The following FGF13 variants were observed in gnomAD, a reference collection of about 807,000 sequenced individuals.
The protein encoded by FGF13 is fibroblast growth factor 13, also known as fibroblast growth factor homologous factor 2.
Under a neutral mutation model 19.5 loss-of-function variants are expected in FGF13, and 2 were observed. The ratio of observed to expected loss-of-function variants is 0.10; its 90% confidence interval spans 0.04 to 0.32. The LOEUF (loss-of-function observed/expected upper bound fraction) is 0.32, where lower values mean the gene tolerates loss of function less well. FGF13 is among the 10% of genes least tolerant of loss of function. The pLI is 1.00. For missense variants in FGF13, 113 were observed against 192.7 expected, an observed-to-expected ratio of 0.59 and a Z score of 2.45; for synonymous variants, 72 against 76.9, an observed-to-expected ratio of 0.94 and a Z score of 0.33.
intron 1 of FGF13, among the ~76,000 whole-genome samples, chrX:139,177,625 A>G (rs779088348): frequency 9.1e-4 from 102 of 111,515 alleles, no homozygotes; most frequent in African/African-American, 3.2e-3. Flanking sequence ...TGGTGCTGGC[A>G]GCAAGAATTT....
upstream of FGF13, among the ~76,000 whole-genome samples, chrX:138,741,846 C>T (rs760727586): frequency 6.3e-5 from 7 of 111,803 alleles, no homozygotes; most frequent in East Asian, 5.6e-4. Flanking sequence ...ATTTCAATAA[C>T]GTCATCATTT....
intron 1 of FGF13, among the ~76,000 whole-genome samples, chrX:138,980,675 GTTT>G (rs59636336): frequency 4.7e-5 from 4 of 84,959 alleles, no homozygotes; most frequent in Non-Finnish European, 6.8e-5. Context: ...CAGAAGTGTG[GTTT>G]TTTTTTTTTT....
chrX:138,780,427 C>G (rs5976200), intron 3 of FGF13, among the ~76,000 whole-genome samples: 21,802 of 80,708 alleles, frequency 0.27, 3,395 homozygotes, highest in African/African-American at 0.5. Context: ...CCCATCTCAC[C>G]TGCAGAGACA....
rs1440562208 is a variant in FGF13 at position 138,632,731 on chromosome X, CTGTT to C, written c.*115_*118del. ...TGGCAGATAGAATAGTGAACTCTGC[CTGTT>C]TGTTTGGTAAATGTCACTGACAAAT... On this transcript the variant is annotated 3_prime_UTR_variant, in exon 5 of 5. Transcript: ENST00000315930. The C allele has an allele frequency of 1.3e-5, 10 of 796,396 alleles. No homozygotes were observed. Among genetic ancestry groups the C allele is most frequent in the African/African-American group, 1.2e-4 (6 of 48,464 alleles). The allele number at this position is 796,396 out of a possible 1,213,427, so 65.6% of individuals were successfully genotyped here.
intron 3 of FGF13, among the ~76,000 whole-genome samples, chrX:138,753,124 G>A (rs1321680500): frequency 8.9e-6 from 1 of 112,002 alleles, no homozygotes; most frequent in Admixed American, 9.5e-5. Context: ...AGAGCATGCT[G>A]ATTTCTGGCC....
chrX:138,763,020 G>A lies in FGF13; in HGVS notation c.218-54092C>T, dbSNP rs528898744. Reference sequence around the variant, plus strand: ...CTTGTACATAATTTCCAAAATGGCTGAGTTTTGTTTTTACCATACTTGACT... The same window carrying A: ...CTTGTACATAATTTCCAAAATGGCTAAGTTTTGTTTTTACCATACTTGACT... On this transcript the variant is annotated intron_variant, in intron 3 of 6. Coordinates refer to the FGF13 transcript ENST00000436198. Among the ~76,000 whole-genome samples the A allele has an allele frequency of 1.6e-4, 18 of 110,970 alleles. 1 individual carries two copies. In the South Asian group the frequency reaches 6.5e-3, roughly 40 times the overall value.
intron 1 of FGF13, among the ~76,000 whole-genome samples, chrX:138,729,467 T>G (rs1165706239): frequency 1.8e-5 from 2 of 110,027 alleles, no homozygotes; most frequent in Non-Finnish European, 3.8e-5. Flanking sequence ...AGTATCCAAA[T>G]GCAACAGAAA....
intron 1 of FGF13, among the ~76,000 whole-genome samples, chrX:139,081,645 G>A (rs758524832): frequency 4.5e-5 from 5 of 111,278 alleles, no homozygotes; most frequent in Middle Eastern, 9.2e-3. Flanking sequence ...AAACCCTCTC[G>A]CTTTGCAGTT....
intron 3 of FGF13, among the ~76,000 whole-genome samples, chrX:138,810,605 A>T (rs189188023): frequency 5.3e-5 from 6 of 112,173 alleles, no homozygotes; most frequent in African/African-American, 1.9e-4. Flanking sequence ...GGATCTAATG[A>T]AACTAAAGAA....
chrX:139,181,260 G>C (rs973412910), intron 1 of FGF13, among the ~76,000 whole-genome samples: 1 of 112,085 alleles, frequency 8.9e-6, no homozygotes, highest in Non-Finnish European at 1.9e-5. Flanking sequence ...TCACAAAAGG[G>C]GTAACACAGG....
Position 138,702,984 on chromosome X carries a change from C to T in FGF13, c.402G>A (p.Ser134=), listed in dbSNP as rs2089961827. ...AACATGCACACAGTCAAAAGCTTAC[C>T]GAGGTGTACAAGTATCCCTCACTGT... is the stretch of plus-strand genomic sequence containing the variant. The part of the protein sequence containing the change: ...AMNSEGYLYT[S]ELFTPECKFK... The change falls in exon 3 of 5, where the codon TCG becomes TCA. Residue 134 remains serine (S), a splice_region_variant and synonymous_variant. Coordinates refer to ENST00000315930, the MANE Select transcript of FGF13 (RefSeq NM_004114.5). The T allele has an allele frequency of 8.4e-7, 1 of 1,183,771 alleles. No homozygotes were observed. Among genetic ancestry groups the T allele is most frequent in the Non-Finnish European group, 1.1e-6 (1 of 870,233 alleles).
chrX:138,806,704 G>C (rs951983509), intron 3 of FGF13: 1 of 111,787 alleles, frequency 8.9e-6, no homozygotes, highest in Non-Finnish European at 1.9e-5. Flanking sequence ...CCCTGCAAAA[G>C]CTGGAAGATA....
intron 1 of FGF13, among the ~76,000 whole-genome samples, chrX:138,879,247 T>C (rs995390122): frequency 1.8e-5 from 2 of 112,128 alleles, no homozygotes; most frequent in African/African-American, 6.5e-5. Context: ...AGGAGTTCTT[T>C]CTATATTCTA....
chrX:138,665,478 A>G (rs913239478), intron 3 of FGF13, among the ~76,000 whole-genome samples: 3 of 111,382 alleles, frequency 2.7e-5, no homozygotes, highest in Admixed American at 1.9e-4. Context: ...ATAATTTTGG[A>G]AGATTTTGTA....
upstream of FGF13, among the ~76,000 whole-genome samples, chrX:138,713,038 A>T (rs923362466): frequency 1.2e-4 from 14 of 112,278 alleles, no homozygotes; most frequent in African/African-American, 4.5e-4. Flanking sequence ...CTCTTGCTCC[A>T]TCAGAAGCAC....
In FGF13 at chrX:138,834,288, TC is replaced by T. The variant is rs2091095396; in HGVS notation, c.217+23223del. Among the ~76,000 whole-genome samples the T allele has an allele frequency of 5.4e-5, 6 of 111,822 alleles. No individual in the cohort carries two copies. The Admixed American group carries it at 5.7e-4, about 11-fold the overall frequency. The stretch of plus-strand genomic sequence containing the variant: ...GAATCCCTCTGGTCCTGGACTTTTA[TC>T]AGTTGGTAGACTATCTATTAATGCC... On this transcript the variant is annotated intron_variant, in intron 3 of 6. Coordinates refer to the FGF13 transcript ENST00000436198.
At chrX:139,098,836 G>A (rs1247073523) in intron 1 of FGF13, among the ~76,000 whole-genome samples, 1 of 111,565 alleles carries the variant, frequency 9.0e-6, no homozygotes, top group Non-Finnish European at 1.9e-5. Flanking sequence ...TCAACATCAT[G>A]CAATATACCC....
chrX:138,859,353 G>A (rs769669726), intron 2 of FGF13, among the ~76,000 whole-genome samples: 8 of 111,928 alleles, frequency 7.1e-5, no homozygotes, highest in Non-Finnish European at 1.3e-4. Context: ...TTTAAAAAAA[G>A]AAGCACCCAT....
chrX:139,184,351 G>A (rs2084264039), intron 1 of FGF13, among the ~76,000 whole-genome samples: 1 of 111,769 alleles, frequency 8.9e-6, no homozygotes, highest in Admixed American at 9.5e-5. Flanking sequence ...TGACTTGTGG[G>A]TAATACATTT....
Sources: allele counts gnomAD v4.1 joint callset (sites outside exome capture counted in the v4.1 genomes callset), GRCh38; gene constraint gnomAD v4.1.1; transcripts MANE v1.5; gene names NCBI Gene and HGNC (gene_info 2026-07-23, HGNC 2026-07-21).